CLVS1: variants seen among roughly 807,000 people sequenced by gnomAD.
The protein encoded by CLVS1 is clavesin-1.
CLVS1 carries 10 observed loss-of-function variants against 33.1 expected under a neutral mutation model. That is an observed-to-expected ratio of 0.30 (90% CI 0.19 to 0.51). The LOEUF is 0.51. Among genes scored for constraint, CLVS1 ranks in the 20% least tolerant of loss-of-function variants. CLVS1 has a pLI of 0.97. For missense variants in CLVS1, 343 were observed against 433.4 expected, an observed-to-expected ratio of 0.79 and a Z score of 1.85; for synonymous variants, 163 against 166.1, an observed-to-expected ratio of 0.98 and a Z score of 0.14.
intron 2 of CLVS1, among the ~76,000 whole-genome samples, chr8:61,232,041 T>TTTTTTTTTTTTTTTTTTTTTTTTG (rs1554548394): frequency 2.0e-4 from 23 of 116,002 alleles, no homozygotes; most frequent in East Asian, 1.1e-3. Flanking sequence ...TTTTTTTTTT[T>TTTTTTTTTTTTTTTTTTTTTTTTG]TTTTTTTTTG....
chr8:61,372,605 T>C (rs1278359095), intron 2 of CLVS1, among the ~76,000 whole-genome samples: 1 of 151,992 alleles, frequency 6.6e-6, no homozygotes, highest in Admixed American at 6.6e-5. Context: ...TTTTTTTTTT[T>C]AGTTTTTACT....
chr8:61,220,300 TTTAAG>T (rs1808180486), intron 2 of CLVS1, among the ~76,000 whole-genome samples: 1 of 147,490 alleles, frequency 6.8e-6, no homozygotes, highest in Admixed American at 6.9e-5. Context: ...GAGTTTTACA[TTTAAG>T]TTTTTAATCC....
the CLVS1 span, among the ~76,000 whole-genome samples, chr8:60,980,105 A>G: frequency 2.6e-5 from 4 of 152,226 alleles, no homozygotes. Context: ...TGCTGACCCA[A>G]GCCCTGTGAG....
At chr8:61,306,019 A>G (rs1810613409) in intron 2 of CLVS1, among the ~76,000 whole-genome samples, 1 of 152,158 alleles carries the variant, frequency 6.6e-6, no homozygotes, top group African/African-American at 2.4e-5. Flanking sequence ...ATGTGTCTTT[A>G]ACAGAATGAT....
the CLVS1 span, among the ~76,000 whole-genome samples, chr8:60,977,625 C>T: frequency 6.6e-6 from 1 of 152,050 alleles, no homozygotes; most frequent in Non-Finnish European, 1.5e-5. Context: ...ACTATCCAGT[C>T]TAAGGAGCAG....
At chr8:61,131,807 G>C (rs1314195972) in exon 2 of CLVS1, 1 of 152,114 alleles carries the variant, frequency 6.6e-6, no homozygotes, top group Non-Finnish European at 1.5e-5. Context: ...GAGAATGAAG[G>C]CTCTGGGAAT....
At chr8:61,441,842 A>C (rs1181658514) in intron 3 of CLVS1, among the ~76,000 whole-genome samples, 5 of 152,232 alleles carry the variant, frequency 3.3e-5, no homozygotes, top group African/African-American at 1.2e-4. Context: ...TGCATTTCTA[A>C]TGGATTGCAA....
intron 5 of CLVS1, among the ~76,000 whole-genome samples, chr8:61,464,419 CCT>C (rs1817475530): frequency 1.3e-5 from 2 of 152,200 alleles, no homozygotes; most frequent in African/African-American, 4.8e-5. Flanking sequence ...CCCCCAACCC[CCT>C]GTCTTTAACA....
chr8:61,418,799 A>G (rs1053673978), intron 3 of CLVS1, among the ~76,000 whole-genome samples: 2 of 152,234 alleles, frequency 1.3e-5, no homozygotes, highest in African/African-American at 4.8e-5. Flanking sequence ...AGCTGAGTGA[A>G]GGAATGAGTG....
At chr8:61,253,496 G>C (rs1286714267) in intron 2 of CLVS1, among the ~76,000 whole-genome samples, 2 of 152,148 alleles carry the variant, frequency 1.3e-5, no homozygotes, top group African/African-American at 4.8e-5. Context: ...AGTTCTCCTG[G>C]ATAATATCCT....
intron 5 of CLVS1, among the ~76,000 whole-genome samples, chr8:61,470,980 C>T (rs1485752957): frequency 6.6e-6 from 1 of 152,224 alleles, no homozygotes; most frequent in Non-Finnish European, 1.5e-5. Flanking sequence ...CAAGCGCCCT[C>T]ACTGTGCACT....
At chr8:61,490,323 C>CA (rs112419815) in intron 5 of CLVS1, among the ~76,000 whole-genome samples, 335 of 86,504 alleles carry the variant, frequency 3.9e-3, no homozygotes, top group East Asian at 0.013. Context: ...AACTCCGTCT[C>CA]AAAAAAAAAA....
At chr8:61,059,475 C>CATACATATATAT (rs59538219) in intron 1 of CLVS1, among the ~76,000 whole-genome samples, 12 of 50,188 alleles carry the variant, frequency 2.4e-4, no homozygotes, top group African/African-American at 4.2e-4. Flanking sequence ...TACATACATA[C>CATACATATATAT]ATATATATAT....
At chr8:61,391,647 A>G (rs370131388) in intron 3 of CLVS1, among the ~76,000 whole-genome samples, 17 of 152,364 alleles carry the variant, frequency 1.1e-4, no homozygotes, top group African/African-American at 3.4e-4. Context: ...AGCTCAACTG[A>G]AATGTCATTT....
chr8:60,968,319 C>G, the CLVS1 span, among the ~76,000 whole-genome samples: 1 of 152,104 alleles, frequency 6.6e-6, no homozygotes, highest in Non-Finnish European at 1.5e-5. Flanking sequence ...AGTTCGAGAC[C>G]AGCCTGACCA....
chr8:61,417,535 G>C (rs1184564355), intron 3 of CLVS1, among the ~76,000 whole-genome samples: 1 of 152,106 alleles, frequency 6.6e-6, no homozygotes, highest in South Asian at 2.1e-4. Context: ...ACCACTGTGG[G>C]ATGTCACCAC....
chr8:61,266,293 C>CTTTTTTT (rs35496534), intron 2 of CLVS1, among the ~76,000 whole-genome samples: 1 of 139,104 alleles, frequency 7.2e-6, no homozygotes. Context: ...AATTTTCTTT[C>CTTTTTTT]TTTTTTTTTT....
intron 3 of CLVS1, among the ~76,000 whole-genome samples, chr8:61,449,649 GC>G (rs1816882897): frequency 6.6e-6 from 1 of 152,122 alleles, no homozygotes; most frequent in African/African-American, 2.4e-5. Context: ...TTAAAGAGCA[GC>G]CTTTTTTTTA....
intron 2 of CLVS1, among the ~76,000 whole-genome samples, chr8:61,222,225 T>C (rs1257840072): frequency 6.6e-6 from 1 of 152,148 alleles, no homozygotes; most frequent in Non-Finnish European, 1.5e-5. Flanking sequence ...TTTTGCTACC[T>C]TTTGGATTTG....
Sources: allele counts gnomAD v4.1 joint callset (sites outside exome capture counted in the v4.1 genomes callset), GRCh38; gene constraint gnomAD v4.1.1; transcripts MANE v1.5; gene names NCBI Gene and HGNC (gene_info 2026-07-23, HGNC 2026-07-21).